The following NDUFS4 variants were observed in gnomAD, a reference collection of about 807,000 sequenced individuals.
The protein encoded by NDUFS4 is NADH dehydrogenase [ubiquinone] iron-sulfur protein 4, mitochondrial.
A neutral mutation model predicts 24.3 loss-of-function variants in NDUFS4; 28 were observed. That is an observed-to-expected ratio of 1.15 (90% CI 0.85 to 1.58). The LOEUF (loss-of-function observed/expected upper bound fraction) is 1.58, where lower values mean the gene tolerates loss of function less well. NDUFS4 is among the 40% of genes most tolerant of loss of function. NDUFS4 has a pLI of 0.00. For missense variants in NDUFS4, 223 were observed against 207.9 expected, an observed-to-expected ratio of 1.07 and a Z score of -0.45; for synonymous variants, 93 against 69.7, an observed-to-expected ratio of 1.34 and a Z score of -1.67.
chr5:53,591,471 G>GC (rs959386628), intron 1 of NDUFS4, among the ~76,000 whole-genome samples: 2 of 128,116 alleles, frequency 1.6e-5, no homozygotes, highest in South Asian at 2.9e-4. Flanking sequence ...TGGGGGGGGG[G>GC]GGTGATAATA....
At chr5:53,673,205 G>C (rs1325087772) in intron 4 of NDUFS4, among the ~76,000 whole-genome samples, 1 of 152,056 alleles carries the variant, frequency 6.6e-6, no homozygotes. Context: ...CATCTTTTCT[G>C]CATTGACAAC....
intron 2 of NDUFS4, among the ~76,000 whole-genome samples, chr5:53,627,367 C>T (rs1391434572): frequency 6.6e-6 from 1 of 152,058 alleles, no homozygotes; most frequent in Non-Finnish European, 1.5e-5. Context: ...TATGTGGGCT[C>T]CTTTTTGGTT....
At chr5:53,671,274 T>C (rs1209599935) in intron 4 of NDUFS4, among the ~76,000 whole-genome samples, 1 of 152,050 alleles carries the variant, frequency 6.6e-6, no homozygotes, top group Non-Finnish European at 1.5e-5. Flanking sequence ...TCTGCAGCTG[T>C]CCCCTCAGCT....
At chr5:53,602,320 TTCCATGTTAG>T (rs1246695674) in intron 1 of NDUFS4, among the ~76,000 whole-genome samples, 1 of 152,204 alleles carries the variant, frequency 6.6e-6, no homozygotes, top group Non-Finnish European at 1.5e-5. Flanking sequence ...CTAGAGTTAT[TTCCATGTTAG>T]TACATTTTGT....
At chr5:53,597,007 T>C (rs1750152566) in intron 1 of NDUFS4, among the ~76,000 whole-genome samples, 1 of 152,336 alleles carries the variant, frequency 6.6e-6, no homozygotes, top group Non-Finnish European at 1.5e-5. Context: ...AAAACAACAG[T>C]AGTCTTCTGT....
At chr5:53,677,311 C>T (rs376411159) in intron 4 of NDUFS4, among the ~76,000 whole-genome samples, 29 of 152,174 alleles carry the variant, frequency 1.9e-4, no homozygotes, top group Middle Eastern at 3.2e-3. Flanking sequence ...CAATACTCTA[C>T]AGCAGGTGTA....
chr5:53,627,991 C>T (rs1751282277), intron 2 of NDUFS4, among the ~76,000 whole-genome samples: 1 of 152,100 alleles, frequency 6.6e-6, no homozygotes, highest in Non-Finnish European at 1.5e-5. Context: ...CAGTTTTTGC[C>T]CATTCAGTAT....
intron 1 of NDUFS4, among the ~76,000 whole-genome samples, chr5:53,570,486 T>C (rs937630496): frequency 2.2e-4 from 33 of 152,136 alleles, no homozygotes; most frequent in Non-Finnish European, 1.0e-4. Flanking sequence ...CAGGATTTTA[T>C]GTGAATTATG....
chr5:53,611,549 A>G (rs2112467292), intron 2 of NDUFS4, among the ~76,000 whole-genome samples: 1 of 152,216 alleles, frequency 6.6e-6, no homozygotes, highest in African/African-American at 2.4e-5. Context: ...GCATCTGAAA[A>G]TAATCCTGTA....
At chr5:53,597,313 A>G (rs1390007286) in intron 1 of NDUFS4, among the ~76,000 whole-genome samples, 1 of 152,188 alleles carries the variant, frequency 6.6e-6, no homozygotes. Context: ...GATGCTGGAA[A>G]CACACATAAC....
chr5:53,595,224 C>T (rs1243261203), intron 1 of NDUFS4, among the ~76,000 whole-genome samples: 1 of 151,978 alleles, frequency 6.6e-6, no homozygotes, highest in Non-Finnish European at 1.5e-5. Context: ...TTCAAATTTC[C>T]TTGGTTATTT....
intron 1 of NDUFS4, among the ~76,000 whole-genome samples, chr5:53,598,754 A>G (rs1343248788): frequency 2.6e-5 from 4 of 152,198 alleles, no homozygotes; most frequent in Non-Finnish European, 1.5e-5. Context: ...GATAAAAACC[A>G]GGATTAGAAA....
rs533745863 is a variant in NDUFS4 at position 53,601,221 on chromosome 5, T to A, written c.99-2231T>A. On this transcript the variant is annotated intron_variant, in intron 1 of 4. Transcript: ENST00000296684. ...GGTTTCACCGTGTTAGCCAGGATGG[T>A]ATCCATCTCCTGACCTTGTGATCCG... Among the ~76,000 whole-genome samples the A allele has an allele frequency of 4.7e-4, 71 of 152,198 alleles. 1 individual carries two copies. In the South Asian group the frequency reaches 0.015, roughly 32 times the overall value.
intron 4 of NDUFS4, among the ~76,000 whole-genome samples, chr5:53,678,237 C>T (rs1740537866): frequency 6.6e-6 from 1 of 152,176 alleles, no homozygotes; most frequent in South Asian, 2.1e-4. Flanking sequence ...TTAAAGATCA[C>T]ATTTTAAGTT....
intron 2 of NDUFS4, among the ~76,000 whole-genome samples, chr5:53,621,578 C>T (rs1039675702): frequency 6.6e-6 from 1 of 151,272 alleles, no homozygotes; most frequent in Non-Finnish European, 1.5e-5. Context: ...TAATGTATTA[C>T]TTCATATGTA....
intron 4 of NDUFS4, among the ~76,000 whole-genome samples, chr5:53,661,600 C>T (rs1049566481): frequency 1.1e-4 from 16 of 152,120 alleles, no homozygotes; most frequent in Non-Finnish European, 1.8e-4. Flanking sequence ...GCAGTATGGC[C>T]ATTTTCACGA....
At chr5:53,566,892 A>AT (rs1285042880) in intron 1 of NDUFS4, among the ~76,000 whole-genome samples, 1 of 140,764 alleles carries the variant, frequency 7.1e-6, no homozygotes, top group Admixed American at 7.4e-5. Flanking sequence ...TTTGTTGCCC[A>AT]GGCTGAAATG....
At chr5:53,614,079 G>A (rs1219342498) in intron 2 of NDUFS4, among the ~76,000 whole-genome samples, 1 of 151,718 alleles carries the variant, frequency 6.6e-6, no homozygotes. Context: ...CTCTTAAATA[G>A]TTGAAAGTTT....
chr5:53,658,853 T>C (rs1323671130), intron 4 of NDUFS4: 1 of 467,208 alleles, frequency 2.1e-6, no homozygotes, highest in African/African-American at 2.0e-5. Context: ...CTGCTCTAAT[T>C]TGAAGTACCA....
Sources: gnomAD v4.1 joint callset for allele counts (sites outside exome capture counted in the v4.1 genomes callset) on GRCh38, gnomAD v4.1.1 for gene constraint, MANE v1.5 for transcripts, NCBI Gene and HGNC (gene_info 2026-07-23, HGNC 2026-07-21) for gene names.